The following DISC1 variants were observed in gnomAD, a reference collection of about 807,000 sequenced individuals.
DISC1 encodes the protein DISC1 scaffold protein, also known as disrupted in schizophrenia 1 protein.
In DISC1, 57 loss-of-function variants were observed where a neutral mutation model predicts 84.5. The observed-to-expected ratio is 0.67, with a 90% CI of 0.55 to 0.84. The LOEUF (loss-of-function observed/expected upper bound fraction) is 0.84. DISC1 is among the 40% of genes least tolerant of loss of function. DISC1 has a pLI of 0.00. For synonymous variants in DISC1, 411 were observed against 415.2 expected, an observed-to-expected ratio of 0.99 and a Z score of 0.12; for missense variants, 1,000 against 1,057.8, an observed-to-expected ratio of 0.95 and a Z score of 0.76.
chr1:231,810,650 T>G (rs1005783263), intron 8 of DISC1, among the ~76,000 whole-genome samples: 1 of 152,144 alleles, frequency 6.6e-6, no homozygotes, highest in Non-Finnish European at 1.5e-5. Context: ...AGGCTTCAGG[T>G]GTGCCCTGAT....
chr1:231,702,043 A>T lies in DISC1; in HGVS notation c.1117+19A>T. ...GATAAAGGTGAGTTTTAATTTGTTT[A>T]TTGATTGTTTTGTCATCATGTCCCA... On this transcript the variant is annotated intron_variant, in intron 3 of 12. Transcript: ENST00000439617. 1 of 1,598,402 alleles carries T rather than the reference A, an allele frequency of 6.3e-7. No homozygotes were observed.
At chr1:232,023,381 T>C (rs1033289466) in intron 11 of DISC1, among the ~76,000 whole-genome samples, 4 of 152,228 alleles carry the variant, frequency 2.6e-5, no homozygotes, top group African/African-American at 9.6e-5. Flanking sequence ...TGAAAAATCT[T>C]TTATTTCTAT....
At chr1:231,629,001 C>T (rs748651036) in intron 1 of DISC1, among the ~76,000 whole-genome samples, 73 of 152,100 alleles carry the variant, frequency 4.8e-4, no homozygotes, top group Non-Finnish European at 8.7e-4. Context: ...CCTCCCAAAG[C>T]GCTAGGATTA....
intron 9 of DISC1, among the ~76,000 whole-genome samples, chr1:231,887,610 G>C (rs1302497441): frequency 6.6e-6 from 1 of 152,216 alleles, no homozygotes; most frequent in Non-Finnish European, 1.5e-5. Flanking sequence ...GGACTGGGCA[G>C]TTACGACCTG....
intron 9 of DISC1, among the ~76,000 whole-genome samples, chr1:231,948,585 C>A (rs61399418): frequency 2.6e-5 from 4 of 151,668 alleles, no homozygotes; most frequent in Non-Finnish European, 5.9e-5. Flanking sequence ...GCACATGTAC[C>A]CTAGAACTTA....
chr1:231,800,182 G>T lies in DISC1; in HGVS notation c.1764G>T (p.Leu588Phe), dbSNP rs1268141575. ...ATATTGAAACCCAACTACCAGCCTT[G>T]CTTGAAGCCAAAATGCATGCCATAT... ...VNDIETQLPALLEAKMHAISG... is the reference protein window; with the variant it reads ...VNDIETQLPAFLEAKMHAISG... The change falls in exon 8 of 13, where the codon TTG becomes TTT. Residue 588 changes from leucine (L) to phenylalanine (F), a missense_variant. Transcript: ENST00000439617. 1.9e-6 allele frequency: 3 copies of T among 1,612,070 alleles called. No individual in the cohort carries two copies. The highest frequency in any genetic ancestry group is 2.7e-5 in the African/African-American group (2 of 74,860).
intron 1 of DISC1, among the ~76,000 whole-genome samples, chr1:231,645,675 ACGACAGGCCCCAGTGTG>A (rs1386023170): frequency 6.6e-6 from 1 of 151,520 alleles, no homozygotes; most frequent in Non-Finnish European, 1.5e-5. Flanking sequence ...CCCGCACCCC[ACGACAGGCCCCAGTGTG>A]CGATGTTCCC....
At chr1:231,693,344 G>A (rs2065270580) in intron 1 of DISC1, among the ~76,000 whole-genome samples, 1 of 152,220 alleles carries the variant, frequency 6.6e-6, no homozygotes, top group East Asian at 1.9e-4. Flanking sequence ...AGTCTTGCAG[G>A]GACATGGATA....
In DISC1 at chr1:231,818,444, C is replaced by T; in HGVS notation, c.1908C>T (p.Val636=). ...TGTTGGTGTTGAGTTCCAGGAATGT[C>T]AAAAAGCTGGGAAGTGTTAAAGAAG... ...SKLLVLSSRN[V]KKLGSVKEDY... Residue 636 remains valine, a synonymous_variant, in exon 9 of 13, where the codon GTC becomes GTT. Coordinates refer to ENST00000439617, the MANE Select transcript of DISC1 (RefSeq NM_018662.3). 5.0e-6 allele frequency: 8 copies of T among 1,614,102 alleles called. No individual in the cohort carries two copies. The highest frequency in any genetic ancestry group is 6.8e-6 in the Non-Finnish European group (8 of 1,180,018).
rs562408385 is a variant in DISC1, at chr1:231,983,017, A to C, written c.2042+24129A>C. Among the ~76,000 whole-genome samples, 4 of 152,322 alleles carry C rather than the reference A, an allele frequency of 2.6e-5. No homozygotes were observed. The South Asian group carries it at 6.2e-4, about 24-fold the overall frequency. On this transcript the variant is annotated intron_variant, in intron 10 of 12. Coordinates refer to ENST00000439617, the MANE Select transcript of DISC1 (RefSeq NM_018662.3). The stretch of plus-strand genomic sequence containing the variant: ...AAATGTAAGAGCAGCAGATATATGA[A>C]GCAGCTACCACCCATAGGACTGAGA...
At chr1:231,659,879 G>C (rs2061431977) in intron 1 of DISC1, among the ~76,000 whole-genome samples, 1 of 152,134 alleles carries the variant, frequency 6.6e-6, no homozygotes, top group Non-Finnish European at 1.5e-5. Context: ...GCTGAGGAGT[G>C]TTTTATTTCC....
intron 3 of DISC1, chr1:231,722,631 A>T: frequency 6.2e-7 from 1 of 1,614,098 alleles, no homozygotes; most frequent in Non-Finnish European, 8.5e-7. Context: ...ACAAAGCAAG[A>T]CAAATAGATA....
At chr1:231,933,068 A>G (rs1432687169) in intron 9 of DISC1, among the ~76,000 whole-genome samples, 1 of 152,224 alleles carries the variant, frequency 6.6e-6, no homozygotes, top group Non-Finnish European at 1.5e-5. Context: ...GACAATGACA[A>G]CAGCAGCGAT....
At chr1:231,819,444 A>G (rs1446439855) in intron 9 of DISC1, among the ~76,000 whole-genome samples, 1 of 152,232 alleles carries the variant, frequency 6.6e-6, no homozygotes, top group Non-Finnish European at 1.5e-5. Context: ...TAAAATGTCT[A>G]TCAATTTGTG....
At chr1:231,640,678 G>A (rs1319393165) in intron 1 of DISC1, among the ~76,000 whole-genome samples, 1 of 152,100 alleles carries the variant, frequency 6.6e-6, no homozygotes, top group Non-Finnish European at 1.5e-5. Context: ...ATAGGAGTGT[G>A]TCACAATGCC....
chr1:231,939,937 T>G (rs996189139), intron 9 of DISC1, among the ~76,000 whole-genome samples: 4 of 151,852 alleles, frequency 2.6e-5, no homozygotes, highest in African/African-American at 9.7e-5. Flanking sequence ...GAGATGGGGT[T>G]TCACCATGTT....
chr1:232,026,653 A>C (rs189502098), intron 12 of DISC1, 101 bp downstream of exon 12: 1 of 778,562 alleles, frequency 1.3e-6, no homozygotes, highest in Non-Finnish European at 2.2e-6. Flanking sequence ...CAACAAATAG[A>C]TGCTGCCGTT....
intron 6 of DISC1, among the ~76,000 whole-genome samples, chr1:231,778,913 G>A (rs769170611): frequency 2.0e-5 from 3 of 152,162 alleles, no homozygotes; most frequent in Non-Finnish European, 2.9e-5. Flanking sequence ...CCAGTGGGCC[G>A]GGAGGTCGGA....
chr1:231,809,646 TCTCTC>T (rs2080099323), intron 8 of DISC1, among the ~76,000 whole-genome samples: 1 of 152,110 alleles, frequency 6.6e-6, no homozygotes, highest in Non-Finnish European at 1.5e-5. Flanking sequence ...CTGGAAATCT[TCTCTC>T]CTAACTGATG....
Sources: allele counts gnomAD v4.1 joint callset (sites outside exome capture counted in the v4.1 genomes callset), GRCh38; gene constraint gnomAD v4.1.1; transcripts MANE v1.5; gene names NCBI Gene and HGNC (gene_info 2026-07-23, HGNC 2026-07-21).